Variants in TNPO3 observed in about 807,000 individuals in gnomAD.
TNPO3 encodes transportin-3.
Under a neutral mutation model 122.8 loss-of-function variants are expected in TNPO3, and 65 were observed. That is an observed-to-expected ratio of 0.53 (90% CI 0.43 to 0.65). TNPO3 has a LOEUF of 0.65. Among genes scored for constraint, TNPO3 ranks in the 30% least tolerant of loss-of-function variants. The probability of loss-of-function intolerance (pLI) is 0.00; values close to 1 mark genes in which losing one functional copy is unlikely to be tolerated. For synonymous variants in TNPO3, 372 were observed against 411.2 expected (o/e 0.90, Z 1.15); for missense variants, 850 against 1,136.7 (o/e 0.75, Z 3.63).
chr7:129,007,698 G>C (rs558763798), intron 4 of TNPO3, among the ~76,000 whole-genome samples: 1 of 152,242 alleles, frequency 6.6e-6, no homozygotes, highest in Non-Finnish European at 1.5e-5. Flanking sequence ...ATATATGCTT[G>C]TTGGAAAAAG....
chr7:128,987,586 T>C (rs569750986), intron 11 of TNPO3, among the ~76,000 whole-genome samples: 1 of 152,220 alleles, frequency 6.6e-6, no homozygotes, highest in Admixed American at 6.5e-5. Flanking sequence ...AGAAAAACCA[T>C]ATATTGTTTT....
chr7:128,959,796 T>C (rs2128978360), intron 21 of TNPO3, among the ~76,000 whole-genome samples: 1 of 152,072 alleles, frequency 6.6e-6, no homozygotes, highest in South Asian at 2.1e-4. Context: ...CCAAGGCGGG[T>C]AGATCACCTG....
intron 21 of TNPO3, among the ~76,000 whole-genome samples, chr7:128,958,242 C>T (rs1008586481): frequency 6.9e-6 from 1 of 144,410 alleles, no homozygotes; most frequent in Non-Finnish European, 1.5e-5. Context: ...CTCCCAGGTT[C>T]AAGCGATTCT....
intron 21 of TNPO3, among the ~76,000 whole-genome samples, chr7:128,958,565 G>A (rs1339696627): frequency 1.7e-4 from 26 of 152,130 alleles, no homozygotes; most frequent in Non-Finnish European, 4.4e-5. Context: ...TCTCATAATG[G>A]TTAAACACCA....
At chr7:128,992,648 T>A (rs567401304) in intron 9 of TNPO3, among the ~76,000 whole-genome samples, 6 of 152,278 alleles carry the variant, frequency 3.9e-5, no homozygotes, top group African/African-American at 1.4e-4. Flanking sequence ...TCCCAGATTA[T>A]ATCCACCTAC....
intron 4 of TNPO3, among the ~76,000 whole-genome samples, chr7:129,005,938 T>C (rs1154327): frequency 0.99 from 150,740 of 152,066 alleles, 74,725 homozygotes; most frequent in Middle Eastern, 1. Flanking sequence ...CACATCACCA[T>C]ACCCAGCTAA....
At chr7:128,998,255 G>A (rs1451846862) in intron 7 of TNPO3, among the ~76,000 whole-genome samples, 2 of 152,060 alleles carry the variant, frequency 1.3e-5, no homozygotes, top group South Asian at 2.1e-4. Flanking sequence ...AGCTACTCAG[G>A]AGGCTGAGGT....
At chr7:129,010,707 C>T (rs185636306) in intron 4 of TNPO3, among the ~76,000 whole-genome samples, 1 of 152,260 alleles carries the variant, frequency 6.6e-6, no homozygotes, top group East Asian at 1.9e-4. Context: ...TATACTAAGA[C>T]ATAGCATCAA....
intron 1 of TNPO3, among the ~76,000 whole-genome samples, chr7:129,020,379 A>G (rs956201637): frequency 1.3e-5 from 2 of 152,094 alleles, no homozygotes; most frequent in African/African-American, 4.8e-5. Flanking sequence ...TTAACCAGTA[A>G]CCCAAGCACA....
At chr7:129,009,389 G>A (rs1364663989) in intron 4 of TNPO3, among the ~76,000 whole-genome samples, 1 of 152,184 alleles carries the variant, frequency 6.6e-6, no homozygotes, top group Non-Finnish European at 1.5e-5. Flanking sequence ...CTTAAGAGGG[G>A]TTTGGAACCT....
chr7:129,007,147 C>T (rs1356598059), intron 4 of TNPO3, among the ~76,000 whole-genome samples: 1 of 152,112 alleles, frequency 6.6e-6, no homozygotes, highest in Non-Finnish European at 1.5e-5. Flanking sequence ...ATCATTTAAT[C>T]CCCACAATAT....
rs146340809 is a variant in TNPO3, at chr7:128,975,774, G to A, written c.2178+45C>T. 3.4e-5 allele frequency: 42 copies of A among 1,221,962 alleles called. No individual in the cohort carries two copies. In the East Asian group the frequency reaches 9.9e-4, roughly 29 times the overall value. 75.7% of individuals were successfully genotyped at this position (1,221,962 alleles called of 1,614,324 possible). A position where few individuals can be genotyped will look rare whatever the true frequency, so the allele number is the denominator to read the frequency against. On this transcript the variant is annotated intron_variant, in intron 17 of 22. Coordinates refer to ENST00000265388, the MANE Select transcript of TNPO3 (RefSeq NM_012470.4). ...TAAAGAATACGCTGCTAGGCCTTCA[G>A]ACCCTCTAGGCCTGATGCGTCTACA...
At chr7:129,029,633 C>T (rs970364921) in intron 1 of TNPO3, 1 of 152,304 alleles carries the variant, frequency 6.6e-6, no homozygotes, top group Admixed American at 6.5e-5. Context: ...CAGCATCAGA[C>T]AAGTATTTTC....
At position 128,972,498 on chromosome 7, in the gene TNPO3, C is replaced by T. The variant is rs11538884; in HGVS notation, c.2358G>A (p.Leu786=). The change falls in exon 19 of 23, where the codon CTG becomes CTA. Residue 786 remains leucine, a synonymous_variant. Coordinates refer to ENST00000265388, the MANE Select transcript of TNPO3 (RefSeq NM_012470.4). The part of the protein sequence containing the change: ...ILQWAIASTT[L]DHRDANCSVM... The stretch of plus-strand genomic sequence containing the variant: ...CACTACAATTGGCATCCCGGTGGTC[C>T]AGGGTAGTAGAGGCAATGGCCCACT... The T allele has an allele frequency of 0.048, 77,017 of 1,613,690 alleles. 2,242 individuals carry two copies. Among genetic ancestry groups the T allele is most frequent in the East Asian group, 0.079 (3,544 of 44,858 alleles).
At chr7:128,987,564 G>GA (rs1318074214) in intron 11 of TNPO3, among the ~76,000 whole-genome samples, 2 of 151,816 alleles carry the variant, frequency 1.3e-5, no homozygotes, top group East Asian at 1.9e-4. Context: ...TTTTCTATAG[G>GA]AAAAAAACCT....
At position 128,954,519 on chromosome 7, in the gene TNPO3, C is replaced by T. The variant is rs1481172636; in HGVS notation, c.*898G>A. 2 of 152,194 alleles carry T rather than the reference C, an allele frequency of 1.3e-5. No homozygotes were observed. Among genetic ancestry groups the T allele is most frequent in the East Asian group, 3.8e-4 (2 of 5,196 alleles). The allele number at this position is 152,194 out of a possible 1,614,324, so 9.4% of individuals were successfully genotyped here. A position where few individuals can be genotyped will look rare whatever the true frequency, so the allele number is the denominator to read the frequency against. ...AAACCTTAAAAAACAAAAACTTACACATTTATATCCTGCACTCCCCACCCA... is the reference window on the plus strand; with the variant it reads ...AAACCTTAAAAAACAAAAACTTACATATTTATATCCTGCACTCCCCACCCA... On this transcript the variant is annotated 3_prime_UTR_variant, in exon 23 of 23. Transcript: ENST00000265388.
intron 21 of TNPO3, among the ~76,000 whole-genome samples, chr7:128,962,371 C>CAA (rs11287209): frequency 1.7e-4 from 17 of 102,182 alleles, no homozygotes; most frequent in South Asian, 3.2e-4. Context: ...GACTCCGTCT[C>CAA]AAAAAAAAAA....
intron 1 of TNPO3, among the ~76,000 whole-genome samples, 198 bp from the exon 2 acceptor site, chr7:129,018,355 A>G (rs2150438052): frequency 6.6e-6 from 1 of 152,288 alleles, no homozygotes; most frequent in South Asian, 2.1e-4. Context: ...ATTACCTAAA[A>G]TCTGACTCAT....
At chr7:129,056,148 C>A, upstream of TNPO3, 1 of 954,974 alleles carries the variant, frequency 1.0e-6, no homozygotes, top group Non-Finnish European at 1.7e-6. Context: ...GATTTGTGCT[C>A]TCGCCACTGC....
Sources: allele counts gnomAD v4.1 joint callset (sites outside exome capture counted in the v4.1 genomes callset), GRCh38; gene constraint gnomAD v4.1.1; transcripts MANE v1.5; gene names NCBI Gene and HGNC (gene_info 2026-07-23, HGNC 2026-07-21).